Variants in TNIP3 observed in about 807,000 individuals in gnomAD.
TNIP3 encodes TNFAIP3 interacting protein 3.
A neutral mutation model predicts 54.1 loss-of-function variants in TNIP3; 34 were observed. The ratio of observed to expected loss-of-function variants is 0.63; its 90% CI spans 0.48 to 0.84. The LOEUF (loss-of-function observed/expected upper bound fraction) is 0.84, where lower values mean the gene tolerates loss of function less well. Ranked by LOEUF, TNIP3 falls within the 40% of genes least tolerant of loss-of-function variation. TNIP3 has a pLI of 0.00. For missense variants in TNIP3, 366 were observed against 387.6 expected, an observed-to-expected ratio of 0.94 and a Z score of 0.47; for synonymous variants, 134 against 136.8, an observed-to-expected ratio of 0.98 and a Z score of 0.14.
chr4:121,216,898 C>G (rs1464446634), upstream of TNIP3, among the ~76,000 whole-genome samples: 3 of 152,148 alleles, frequency 2.0e-5, no homozygotes, highest in Non-Finnish European at 4.4e-5. Context: ...TGCCTACTGA[C>G]CCCAGGACAC....
intron 2 of TNIP3, among the ~76,000 whole-genome samples, chr4:121,212,661 T>G (rs535734017): frequency 2.6e-5 from 4 of 152,226 alleles, no homozygotes; most frequent in Non-Finnish European, 5.9e-5. Flanking sequence ...CTTCAAACTA[T>G]AAGGTTCTCT....
upstream of TNIP3, among the ~76,000 whole-genome samples, chr4:121,221,283 T>C (rs1244759238): frequency 6.6e-6 from 1 of 152,186 alleles, no homozygotes; most frequent in Non-Finnish European, 1.5e-5. Context: ...CCAGTTTGTA[T>C]GTTCAAGAAG....
At chr4:121,198,563 C>T (rs1312895278) in intron 2 of TNIP3, among the ~76,000 whole-genome samples, 1 of 152,080 alleles carries the variant, frequency 6.6e-6, no homozygotes, top group Non-Finnish European at 1.5e-5. Context: ...GAAAAAAATC[C>T]CTGTTTTCAT....
At chr4:121,216,357 T>C (rs762795651) in intron 2 of TNIP3, 3 of 1,370,118 alleles carry the variant, frequency 2.2e-6, no homozygotes, top group Non-Finnish European at 3.0e-6. Context: ...AAAGCAGAAG[T>C]GCTCTAATTA....
At chr4:121,213,251 A>T (rs1327225825) in intron 2 of TNIP3, among the ~76,000 whole-genome samples, 2 of 152,154 alleles carry the variant, frequency 1.3e-5, no homozygotes, top group Non-Finnish European at 2.9e-5. Flanking sequence ...GTTTAATATT[A>T]GGTTGAATGA....
chr4:121,219,980 A>G (rs1726963584), upstream of TNIP3, among the ~76,000 whole-genome samples: 1 of 152,200 alleles, frequency 6.6e-6, no homozygotes. Context: ...CATTTAGGAT[A>G]AAATGTCCTC....
At chr4:121,164,957 C>A (rs1730672446), upstream of TNIP3, among the ~76,000 whole-genome samples, 1 of 151,778 alleles carries the variant, frequency 6.6e-6, no homozygotes, top group Admixed American at 6.6e-5. Context: ...GGTAATGGAG[C>A]ACTACTGGGT....
At chr4:121,149,145 A>T (rs987482349) in intron 6 of TNIP3, among the ~76,000 whole-genome samples, 2 of 152,244 alleles carry the variant, frequency 1.3e-5, no homozygotes, top group Non-Finnish European at 2.9e-5. Flanking sequence ...TAACCAATGC[A>T]GTATCTCCAC....
intron 1 of TNIP3, among the ~76,000 whole-genome samples, chr4:121,162,998 C>G (rs529012245): frequency 2.0e-5 from 3 of 152,102 alleles, no homozygotes; most frequent in Admixed American, 2.0e-4. Context: ...ACAATTTTCT[C>G]TGGAAGAAAA....
intron 2 of TNIP3, among the ~76,000 whole-genome samples, chr4:121,198,643 T>C (rs889696586): frequency 6.6e-6 from 1 of 152,216 alleles, no homozygotes; most frequent in East Asian, 1.9e-4. Context: ...AACAAACTTA[T>C]AGTGAATTTA....
intron 2 of TNIP3, among the ~76,000 whole-genome samples, chr4:121,191,064 C>G (rs1265783133): frequency 2.0e-5 from 3 of 152,114 alleles, no homozygotes; most frequent in Non-Finnish European, 2.9e-5. Context: ...CAGAGGGGAG[C>G]TTCCTTGTTT....
intron 2 of TNIP3, 101 bp from the exon 3 acceptor site, chr4:121,158,853 C>G: frequency 2.2e-6 from 2 of 895,246 alleles, no homozygotes; most frequent in South Asian, 1.5e-5. Context: ...GTTTTAGAAG[C>G]CATGGATGAA....
intron 1 of TNIP3, among the ~76,000 whole-genome samples, chr4:121,162,461 G>A (rs1439833120): frequency 1.3e-5 from 2 of 152,214 alleles, no homozygotes; most frequent in Non-Finnish European, 2.9e-5. Flanking sequence ...CACCAAGAGT[G>A]ACACTGAAAC....
intron 2 of TNIP3, among the ~76,000 whole-genome samples, chr4:121,201,713 A>G (rs1725899886): frequency 1.3e-5 from 2 of 152,184 alleles, no homozygotes; most frequent in South Asian, 4.1e-4. Flanking sequence ...TAGCTCATTC[A>G]TTTGTATATT....
intron 1 of TNIP3, among the ~76,000 whole-genome samples, chr4:121,226,604 C>T (rs568124220): frequency 2.6e-5 from 4 of 152,290 alleles, no homozygotes; most frequent in South Asian, 4.1e-4. Context: ...AGGGAGTTTG[C>T]GGTTAAGCCA....
chr4:121,170,825 T>G (rs1030926278), intron 3 of TNIP3, among the ~76,000 whole-genome samples: 3 of 152,126 alleles, frequency 2.0e-5, no homozygotes, highest in Non-Finnish European at 4.4e-5. Flanking sequence ...GAGATATCTT[T>G]TTTTTTTAAA....
chr4:121,175,685 T>C (rs984176922), intron 3 of TNIP3, among the ~76,000 whole-genome samples: 1 of 152,216 alleles, frequency 6.6e-6, no homozygotes, highest in Non-Finnish European at 1.5e-5. Flanking sequence ...AGCATCCTAC[T>C]CAAAAGTGTG....
intron 2 of TNIP3, among the ~76,000 whole-genome samples, chr4:121,198,765 T>C (rs942654963): frequency 4.6e-5 from 7 of 152,208 alleles, no homozygotes; most frequent in Non-Finnish European, 1.0e-4. Context: ...TTTATGTGTC[T>C]GGAAAATATA....
chr4:121,151,621 G>A (rs1010202061), intron 5 of TNIP3, among the ~76,000 whole-genome samples: 3 of 151,912 alleles, frequency 2.0e-5, no homozygotes, highest in African/African-American at 7.3e-5. Flanking sequence ...GTGAATAGTA[G>A]TAAAGAGAAT....
Sources: allele counts gnomAD v4.1 joint callset (sites outside exome capture counted in the v4.1 genomes callset), GRCh38; gene constraint gnomAD v4.1.1; transcripts MANE v1.5; gene names NCBI Gene and HGNC (gene_info 2026-07-23, HGNC 2026-07-21).